NEK10: variants seen among roughly 807,000 people sequenced by gnomAD.
NEK10 encodes the protein NIMA related kinase 10.
In NEK10, 122 loss-of-function variants were observed where a neutral mutation model predicts 159.8. The ratio of observed to expected loss-of-function variants is 0.76; its 90% confidence interval spans 0.66 to 0.89. The LOEUF (loss-of-function observed/expected upper bound fraction) is 0.89. Ranked by LOEUF, NEK10 falls within the 40% of genes least tolerant of loss-of-function variation. NEK10 has a pLI of 0.00. For synonymous variants in NEK10, 466 were observed against 457.1 expected (o/e 1.02, Z -0.25); for missense variants, 1,342 against 1,323.1 (o/e 1.01, Z -0.22).
intron 13 of NEK10, among the ~76,000 whole-genome samples, chr3:27,298,574 G>A (rs1351734684): frequency 1.3e-5 from 2 of 152,306 alleles, no homozygotes; most frequent in African/African-American, 2.4e-5. Context: ...TTGTGAAAGT[G>A]ACTTTGGAAC....
At chr3:27,127,722 C>T (rs1375936826) in intron 32 of NEK10, among the ~76,000 whole-genome samples, 1 of 152,076 alleles carries the variant, frequency 6.6e-6, no homozygotes, top group African/African-American at 2.4e-5. Flanking sequence ...TTAATTTTCC[C>T]AACTTTCTTG....
At chr3:27,339,521 T>C (rs1396251129) in intron 5 of NEK10, among the ~76,000 whole-genome samples, 2 of 151,888 alleles carry the variant, frequency 1.3e-5, no homozygotes, top group Non-Finnish European at 2.9e-5. Flanking sequence ...TGGCTCACGC[T>C]TGTAATCCCA....
intron 23 of NEK10, among the ~76,000 whole-genome samples, chr3:27,233,979 A>C (rs1953614228): frequency 1.3e-5 from 2 of 152,102 alleles, no homozygotes; most frequent in Non-Finnish European, 2.9e-5. Flanking sequence ...GCAAATCAAT[A>C]AATGTGATTC....
intron 23 of NEK10, among the ~76,000 whole-genome samples, chr3:27,232,280 G>A (rs542618857): frequency 6.6e-6 from 1 of 151,880 alleles, no homozygotes; most frequent in East Asian, 1.9e-4. Flanking sequence ...TGACCAAGCT[G>A]AGAATCAAAT....
intron 29 of NEK10, among the ~76,000 whole-genome samples, chr3:27,167,066 TCC>T (rs1946550308): frequency 6.6e-6 from 1 of 151,994 alleles, no homozygotes; most frequent in South Asian, 2.1e-4. Flanking sequence ...ACCACAAACA[TCC>T]AGTGTCTCAA....
chr3:27,147,655 A>T (rs540379906), intron 30 of NEK10, among the ~76,000 whole-genome samples: 1 of 151,866 alleles, frequency 6.6e-6, no homozygotes, highest in South Asian at 2.1e-4. Context: ...GGGTAATGTC[A>T]CAGTATATTT....
At chr3:27,171,738 C>G in intron 29 of NEK10, 81 bp downstream of exon 29, 1 of 1,440,136 alleles carries the variant, frequency 6.9e-7, no homozygotes, top group African/African-American at 1.4e-5. Context: ...AAACTTCTGG[C>G]TATCAGGTTT....
chr3:27,113,435 CAAAAAAAAA>C (rs3034425), intron 35 of NEK10, among the ~76,000 whole-genome samples: 1,574 of 81,604 alleles, frequency 0.019, 36 homozygotes, highest in African/African-American at 0.065. Flanking sequence ...GATTCCATCT[CAAAAAAAAA>C]AAAAAAAAAA....
At chr3:27,280,290 G>A (rs2042065189) in intron 22 of NEK10, among the ~76,000 whole-genome samples, 2 of 143,104 alleles carry the variant, frequency 1.4e-5, no homozygotes, top group African/African-American at 5.1e-5. Context: ...ATCTGAGGAG[G>A]AAGGCTTAAG....
intron 25 of NEK10, among the ~76,000 whole-genome samples, chr3:27,199,016 T>C (rs1280526769): frequency 2.1e-5 from 3 of 141,472 alleles, no homozygotes; most frequent in South Asian, 2.2e-4. Flanking sequence ...GAGGTTGCAG[T>C]GAGCCGAGAT....
chr3:27,358,077 TA>T (rs2048439575), intron 1 of NEK10, among the ~76,000 whole-genome samples: 1 of 152,238 alleles, frequency 6.6e-6, no homozygotes. Context: ...TTTGGCTTTT[TA>T]CAAAAACTTT....
chr3:27,217,728 T>C (rs187809265), intron 23 of NEK10, among the ~76,000 whole-genome samples: 2 of 151,958 alleles, frequency 1.3e-5, no homozygotes, highest in South Asian at 2.1e-4. Flanking sequence ...CTTATAAATA[T>C]AGACACAAAA....
intron 5 of NEK10, among the ~76,000 whole-genome samples, chr3:27,327,555 A>T (rs531290393): frequency 1.1e-4 from 16 of 152,240 alleles, no homozygotes; most frequent in Non-Finnish European, 2.4e-4. Flanking sequence ...GAAAAGGGAA[A>T]GAGTAGCCAG....
intron 26 of NEK10, among the ~76,000 whole-genome samples, chr3:27,177,611 T>A (rs1575118984): frequency 1.3e-5 from 2 of 152,192 alleles, no homozygotes; most frequent in Admixed American, 1.3e-4. Flanking sequence ...CAAAAAAAAA[T>A]TGATATAATT....
chr3:27,148,152 G>A (rs1944487691), intron 30 of NEK10, among the ~76,000 whole-genome samples: 1 of 152,180 alleles, frequency 6.6e-6, no homozygotes, highest in African/African-American at 2.4e-5. Flanking sequence ...GGGCAGGCAG[G>A]TATCCCAGAG....
chr3:27,278,524 T>G (rs73161139), intron 22 of NEK10: 57,826 of 190,504 alleles, frequency 0.3, 9,024 homozygotes, highest in Middle Eastern at 0.44. Flanking sequence ...AATCAGGTTT[T>G]TTCTTGTTGT....
chr3:27,318,850 G>A (rs1378117534), intron 6 of NEK10, among the ~76,000 whole-genome samples: 1 of 151,954 alleles, frequency 6.6e-6, no homozygotes, highest in Non-Finnish European at 1.5e-5. Context: ...ATGAACTTGT[G>A]AACAAACAGC....
Position 27,344,754 on chromosome 3 carries a change from G to C in NEK10, c.264-384C>G, listed in dbSNP as rs138205686. On this transcript the variant is annotated intron_variant, in intron 4 of 35. Transcript: ENST00000691995. ...TTTAGACAGCTGTGTAACAGGAAGA[G>C]AAGAATTCCCTCTCCACTTTTCCAC... Among the ~76,000 whole-genome samples the C allele has an allele frequency of 5.3e-5, 8 of 152,300 alleles. No homozygotes were observed. The East Asian group carries it at 1.5e-3, about 29-fold the overall frequency.
intron 29 of NEK10, among the ~76,000 whole-genome samples, chr3:27,166,335 A>G (rs985494002): frequency 2.0e-5 from 3 of 152,234 alleles, no homozygotes; most frequent in Non-Finnish European, 4.4e-5. Context: ...CCAGGAAAGT[A>G]TAGAACTATT....
Sources: allele counts gnomAD v4.1 joint callset (sites outside exome capture counted in the v4.1 genomes callset), GRCh38; gene constraint gnomAD v4.1.1; transcripts MANE v1.5; gene names NCBI Gene and HGNC (gene_info 2026-07-23, HGNC 2026-07-21).